The following PDE4D variants were observed in gnomAD, a reference collection of about 807,000 sequenced individuals.
The protein encoded by PDE4D is 3',5'-cyclic-AMP phosphodiesterase 4D.
In PDE4D, 24 loss-of-function variants were observed where a neutral mutation model predicts 87.4. The ratio of observed to expected loss-of-function variants is 0.27; its 90% confidence interval spans 0.20 to 0.39. PDE4D has a LOEUF of 0.39. Among genes scored for constraint, PDE4D ranks in the 10% least tolerant of loss-of-function variants. The pLI, the probability that PDE4D is intolerant of heterozygous loss-of-function variation, is 1.00. For missense variants in PDE4D, 714 were observed against 1,041.0 expected, an observed-to-expected ratio of 0.69 and a Z score of 4.32; for synonymous variants, 384 against 383.2, an observed-to-expected ratio of 1.00 and a Z score of -0.02.
At chr5:58,993,331 C>T in intron 7 of PDE4D, 41 bp downstream of exon 7, 1 of 1,212,084 alleles carries the variant, frequency 8.3e-7, no homozygotes, top group Non-Finnish European at 1.2e-6. Context: ...AACAAGCAAA[C>T]AACTGAAGAA....
chr5:59,407,250 C>T (rs1791849280), intron 1 of PDE4D, among the ~76,000 whole-genome samples: 1 of 152,162 alleles, frequency 6.6e-6, no homozygotes, highest in African/African-American at 2.4e-5. Flanking sequence ...CTCTTGCTCC[C>T]CCTATTGCCA....
intron 1 of PDE4D, among the ~76,000 whole-genome samples, chr5:60,445,645 G>A (rs1456552285): frequency 6.6e-6 from 1 of 152,124 alleles, no homozygotes; most frequent in Non-Finnish European, 1.5e-5. Context: ...GGCTGGGGAA[G>A]GGGGAAATGG....
intron 1 of PDE4D, among the ~76,000 whole-genome samples, chr5:60,400,518 T>A (rs1740977135): frequency 2.9e-5 from 2 of 68,970 alleles, no homozygotes; most frequent in African/African-American, 1.1e-4. Flanking sequence ...CAAGACTCCA[T>A]CTCAAAAAAA....
chr5:60,301,304 AGCAT>A (rs1442568600), intron 1 of PDE4D, among the ~76,000 whole-genome samples: 1 of 152,218 alleles, frequency 6.6e-6, no homozygotes, highest in African/African-American at 2.4e-5. Flanking sequence ...TACTTTAGGC[AGCAT>A]GACCATTTTC....
At position 60,316,420 on chromosome 5, in the gene PDE4D, G is replaced by A. The variant is rs184719309; in HGVS notation, c.-89-130733C>T. Among the ~76,000 whole-genome samples, 490 of 152,228 alleles carry A rather than the reference G, an allele frequency of 3.2e-3. 4 individuals are homozygous for A. The highest frequency in any genetic ancestry group is 0.011 in the African/African-American group (461 of 41,542). On this transcript the variant is annotated intron_variant, in intron 1 of 16. Transcript: ENST00000502484. ...TGGGGTTTTCTAGATATACAATCAT[G>A]TCATCTGGAAACAAAGACAATTTGA...
At chr5:59,426,335 A>C (rs998666577) in intron 1 of PDE4D, among the ~76,000 whole-genome samples, 2 of 152,236 alleles carry the variant, frequency 1.3e-5, no homozygotes, top group African/African-American at 2.4e-5. Flanking sequence ...ATCTAAGTGC[A>C]TGACCTTGTG....
rs1761642666 is a variant in PDE4D, at chr5:59,759,052, C to T, written c.455+134116G>A. Among the ~76,000 whole-genome samples, 4 of 151,354 alleles carry T rather than the reference C, an allele frequency of 2.6e-5. No individual in the cohort carries two copies. The South Asian group carries it at 6.3e-4, about 24-fold the overall frequency. On this transcript the variant is annotated intron_variant, in intron 1 of 14. Transcript: ENST00000340635. ...TTTAAAAACATGATTTTTTAAAAAG[C>T]AAAACCATTAAAAAAAAGACATTAT...
intron 1 of PDE4D, among the ~76,000 whole-genome samples, chr5:59,868,045 G>A (rs1178098982): frequency 6.6e-6 from 1 of 152,070 alleles, no homozygotes; most frequent in Non-Finnish European, 1.5e-5. Context: ...AGACTGGAAA[G>A]AAAAGGTATC....
intron 1 of PDE4D, among the ~76,000 whole-genome samples, chr5:60,373,863 G>A (rs1449308109): frequency 6.6e-6 from 1 of 152,052 alleles, no homozygotes; most frequent in Non-Finnish European, 1.5e-5. Context: ...GGTGATGCTT[G>A]ACTTTCTCAT....
At chr5:59,033,905 G>A (rs539981710) in intron 6 of PDE4D, among the ~76,000 whole-genome samples, 16 of 152,184 alleles carry the variant, frequency 1.1e-4, no homozygotes, top group African/African-American at 3.1e-4. Context: ...ATAATTAAAT[G>A]TTGGGAATAA....
intron 1 of PDE4D, among the ~76,000 whole-genome samples, chr5:59,416,008 A>C (rs1381967034): frequency 6.6e-6 from 1 of 152,100 alleles, no homozygotes; most frequent in African/African-American, 2.4e-5. Flanking sequence ...CTAACTCTAA[A>C]TCTCTATTTT....
intron 1 of PDE4D, among the ~76,000 whole-genome samples, chr5:60,440,613 G>C (rs755030553): frequency 1.3e-5 from 2 of 152,066 alleles, no homozygotes; most frequent in Non-Finnish European, 2.9e-5. Context: ...GGCAGAGGAA[G>C]CAAAAGATAG....
chr5:59,482,917 G>T (rs1013515718), intron 1 of PDE4D, among the ~76,000 whole-genome samples: 2 of 152,108 alleles, frequency 1.3e-5, no homozygotes, highest in Non-Finnish European at 2.9e-5. Context: ...ATCATCTGGG[G>T]TATGTGTGTG....
chr5:58,997,103 A>G (rs1749399688), intron 6 of PDE4D, among the ~76,000 whole-genome samples: 2 of 152,186 alleles, frequency 1.3e-5, no homozygotes, highest in Non-Finnish European at 2.9e-5. Flanking sequence ...AAGACGGTCT[A>G]AGGAATTTCC....
At chr5:60,252,301 A>C (rs1317403592) in intron 1 of PDE4D, among the ~76,000 whole-genome samples, 3 of 151,936 alleles carry the variant, frequency 2.0e-5, no homozygotes, top group African/African-American at 7.2e-5. Context: ...TAAACAAAGA[A>C]ATATATATTT....
chr5:59,139,427 T>C (rs947784946), intron 5 of PDE4D, among the ~76,000 whole-genome samples: 1 of 152,020 alleles, frequency 6.6e-6, no homozygotes, highest in Non-Finnish European at 1.5e-5. Context: ...TAGAAGGAAG[T>C]TTAAACTTTA....
intron 1 of PDE4D, among the ~76,000 whole-genome samples, chr5:60,356,719 G>A (rs1759656589): frequency 6.6e-6 from 1 of 152,132 alleles, no homozygotes; most frequent in African/African-American, 2.4e-5. Flanking sequence ...GAACCAAAAT[G>A]AGTGAGTAAA....
chr5:59,930,527 A>G (rs1313116955), intron 3 of PDE4D, among the ~76,000 whole-genome samples: 1 of 152,234 alleles, frequency 6.6e-6, no homozygotes, highest in Non-Finnish European at 1.5e-5. Flanking sequence ...AGTCCTGCTA[A>G]CACCTTGATT....
chr5:59,025,024 CAAA>C (rs35260023), intron 6 of PDE4D, among the ~76,000 whole-genome samples: 1 of 141,928 alleles, frequency 7.0e-6, no homozygotes, highest in African/African-American at 2.6e-5. Flanking sequence ...CCAAAGTGGT[CAAA>C]AAAAAAAAAT....
Sources: allele counts gnomAD v4.1 joint callset (sites outside exome capture counted in the v4.1 genomes callset), GRCh38; gene constraint gnomAD v4.1.1; transcripts MANE v1.5; gene names NCBI Gene and HGNC (gene_info 2026-07-23, HGNC 2026-07-21).